Variants in DLGAP2 observed in about 807,000 individuals in gnomAD.
DLGAP2 encodes the protein DLG associated protein 2, also known as disks large-associated protein 2.
Under a neutral mutation model 100.3 loss-of-function variants are expected in DLGAP2, and 26 were observed. The observed-to-expected ratio is 0.26, with a 90% confidence interval of 0.19 to 0.36. DLGAP2 has a LOEUF of 0.36. Ranked by LOEUF, DLGAP2 falls within the 10% of genes least tolerant of loss-of-function variation. DLGAP2 has a pLI of 1.00. For missense variants in DLGAP2, 1,858 were observed against 1,453.2 expected, an observed-to-expected ratio of 1.28 and a Z score of -4.53; for synonymous variants, 886 against 630.1, an observed-to-expected ratio of 1.41 and a Z score of -6.08.
chr8:1,378,382 C>G (rs895189441), intron 3 of DLGAP2, among the ~76,000 whole-genome samples: 1 of 151,374 alleles, frequency 6.6e-6, no homozygotes, highest in Non-Finnish European at 1.5e-5. Context: ...CTGACCTCAC[C>G]TGTCCTTGCC....
intron 2 of DLGAP2, among the ~76,000 whole-genome samples, chr8:1,174,640 A>G (rs955247497): frequency 1.3e-5 from 2 of 151,540 alleles, no homozygotes; most frequent in African/African-American, 4.9e-5. Flanking sequence ...CACCATCATC[A>G]TCGTCGTCTT....
intron 3 of DLGAP2, among the ~76,000 whole-genome samples, chr8:1,391,591 G>A (rs921725084): frequency 6.6e-6 from 1 of 152,202 alleles, no homozygotes; most frequent in Non-Finnish European, 1.5e-5. Context: ...GCCTCACAGA[G>A]CTGGCCCCAT....
At chr8:1,322,333 C>G (rs767322402) in intron 3 of DLGAP2, among the ~76,000 whole-genome samples, 4 of 152,208 alleles carry the variant, frequency 2.6e-5, no homozygotes, top group East Asian at 3.9e-4. Flanking sequence ...TCATTCTTTA[C>G]CACAATAAAT....
intron 1 of DLGAP2, among the ~76,000 whole-genome samples, chr8:840,507 C>T (rs1463032625): frequency 5.3e-5 from 6 of 112,730 alleles, no homozygotes; most frequent in South Asian, 3.8e-4. Flanking sequence ...ATTCTGCGAG[C>T]GCGTCCACAC....
At chr8:775,392 T>G (rs1292213577) in intron 1 of DLGAP2, among the ~76,000 whole-genome samples, 1 of 148,980 alleles carries the variant, frequency 6.7e-6, no homozygotes, top group African/African-American at 2.5e-5. Flanking sequence ...CTGTGTTGAA[T>G]AGGAGTGGTG....
At chr8:1,515,555 C>G (rs573734979) in intron 4 of DLGAP2, among the ~76,000 whole-genome samples, 20 of 152,254 alleles carry the variant, frequency 1.3e-4, no homozygotes, top group South Asian at 1.2e-3. Flanking sequence ...CACACAAACA[C>G]GAGCAGACAT....
At chr8:1,107,732 C>G (rs918717782) in intron 2 of DLGAP2, among the ~76,000 whole-genome samples, 1 of 152,202 alleles carries the variant, frequency 6.6e-6, no homozygotes, top group African/African-American at 2.4e-5. Context: ...ATTTGCCATT[C>G]GTCACATTTA....
chr8:1,119,240 G>C (rs1795977874), intron 2 of DLGAP2, among the ~76,000 whole-genome samples: 1 of 152,212 alleles, frequency 6.6e-6, no homozygotes. Flanking sequence ...AAGTAGGTTT[G>C]GAATCTTTTG....
intron 3 of DLGAP2, among the ~76,000 whole-genome samples, chr8:1,476,870 G>T (rs1455474200): frequency 6.7e-6 from 1 of 149,596 alleles, no homozygotes; most frequent in Non-Finnish European, 1.5e-5. Context: ...ATGGCCGAGT[G>T]CTGTCGGCCA....
rs1563052048 is a variant in DLGAP2 at position 1,267,610 on chromosome 8, AGATAAGATAAGATAAATATTAAATAGG to A, written c.106+8728_106+8754del. Among the ~76,000 whole-genome samples the A allele has an allele frequency of 1.6e-4, 18 of 112,754 alleles. 1 individual carries two copies. Among genetic ancestry groups the A allele is most frequent in the African/African-American group, 6.6e-4 (15 of 22,630 alleles). 74.0% of individuals were successfully genotyped at this position (112,754 alleles called of 152,430 possible). On this transcript the variant is annotated intron_variant, in intron 3 of 14. Coordinates refer to ENST00000637795, the MANE Select transcript of DLGAP2 (RefSeq NM_001346810.2). ...AAATAAGATAAGATAAGATAAGATA[AGATAAGATAAGATAAATATTAAATAGG>A]TCTACAAAAAGGCCTCCAGGGTCAG...
At chr8:1,335,841 C>G (rs543177364) in intron 3 of DLGAP2, among the ~76,000 whole-genome samples, 8 of 152,260 alleles carry the variant, frequency 5.3e-5, no homozygotes, top group African/African-American at 1.7e-4. Flanking sequence ...GAAAATGTGG[C>G]TAAAAGGAAA....
At chr8:950,461 A>T (rs1799450356) in intron 2 of DLGAP2, among the ~76,000 whole-genome samples, 1 of 152,126 alleles carries the variant, frequency 6.6e-6, no homozygotes, top group African/African-American at 2.4e-5. Flanking sequence ...ACCATTTATG[A>T]AGGAACATTT....
chr8:1,357,631 C>T (rs1801885877), intron 3 of DLGAP2, among the ~76,000 whole-genome samples: 2 of 152,154 alleles, frequency 1.3e-5, no homozygotes. Flanking sequence ...TACACATTTT[C>T]AAAATAAAGA....
intron 7 of DLGAP2, among the ~76,000 whole-genome samples, chr8:1,630,030 G>C (rs1797603743): frequency 6.6e-6 from 1 of 152,166 alleles, no homozygotes; most frequent in African/African-American, 2.4e-5. Context: ...AAGCAGACAA[G>C]TTGGGTGCTT....
intron 4 of DLGAP2, among the ~76,000 whole-genome samples, chr8:1,537,875 G>T (rs572991805): frequency 4.5e-4 from 69 of 152,342 alleles, no homozygotes; most frequent in African/African-American, 1.6e-3. Context: ...GCTAAATTTA[G>T]GTGGGAGAGT....
At chr8:809,972 C>A (rs76473020) in intron 1 of DLGAP2, among the ~76,000 whole-genome samples, 1 of 152,222 alleles carries the variant, frequency 6.6e-6, no homozygotes, top group African/African-American at 2.4e-5. Flanking sequence ...GGACTGCGGT[C>A]AAGGCCCTCA....
Position 1,678,569 on chromosome 8 carries a change from A to T in DLGAP2, c.2644A>T (p.Met882Leu), listed in dbSNP as rs745757683. The T allele has an allele frequency of 3.2e-6, 5 of 1,584,420 alleles. No homozygotes were observed. Among genetic ancestry groups the T allele is most frequent in the Middle Eastern group, 1.7e-4 (1 of 6,036 alleles). Residue 882 changes from methionine to leucine, a missense_variant, in exon 12 of 15, where the codon ATG (methionine) becomes TTG (leucine). Transcript: ENST00000637795. ...GCTGCTGCACGCAGAGACAAAGAGG[A>T]TGGAAGGCTGGTGCAAAGAGATGGA... ...LKLLHAETKR[M>L]EGWCKEMERE...
At chr8:1,408,480 A>G (rs946507136) in intron 3 of DLGAP2, among the ~76,000 whole-genome samples, 2 of 152,178 alleles carry the variant, frequency 1.3e-5, no homozygotes, top group Non-Finnish European at 2.9e-5. Flanking sequence ...TGAAGCCCCC[A>G]TGGCCCTGCA....
chr8:797,760 A>ATTTT (rs1021303297), intron 1 of DLGAP2, among the ~76,000 whole-genome samples: 1 of 151,708 alleles, frequency 6.6e-6, no homozygotes, highest in Non-Finnish European at 1.5e-5. Flanking sequence ...TATTTTATTT[A>ATTTT]TTTTTTTGAG....
Sources: gnomAD v4.1 joint callset for allele counts (sites outside exome capture counted in the v4.1 genomes callset) on GRCh38, gnomAD v4.1.1 for gene constraint, MANE v1.5 for transcripts, NCBI Gene and HGNC (gene_info 2026-07-23, HGNC 2026-07-21) for gene names.